EHMT1: variants seen among roughly 807,000 people sequenced by gnomAD.
EHMT1 encodes euchromatic histone lysine methyltransferase 1.
A neutral mutation model predicts 147.2 loss-of-function variants in EHMT1; 15 were observed. The observed-to-expected ratio is 0.10, with a 90% confidence interval of 0.07 to 0.16. The LOEUF (loss-of-function observed/expected upper bound fraction) is 0.16, where lower values mean the gene tolerates loss of function less well. Among genes scored for constraint, EHMT1 ranks in the 10% least tolerant of loss-of-function variants. The pLI is 1.00. For synonymous variants in EHMT1, 795 were observed against 709.6 expected (o/e 1.12, Z -1.91); for missense variants, 1,587 against 1,772.4 (o/e 0.90, Z 1.88).
chr9:137,627,620 C>G (rs1185193739), intron 1 of EHMT1, among the ~76,000 whole-genome samples: 1 of 152,134 alleles, frequency 6.6e-6, no homozygotes, highest in African/African-American at 2.4e-5. Flanking sequence ...CCGCCGCGCC[C>G]GGCCCTTTTG....
intron 1 of EHMT1, among the ~76,000 whole-genome samples, chr9:137,705,735 G>A (rs1564612327): frequency 6.6e-6 from 1 of 152,230 alleles, no homozygotes; most frequent in African/African-American, 2.4e-5. Flanking sequence ...TCCTCCCAGG[G>A]TAGGTTTGGA....
At chr9:137,803,941 C>T (rs1953715092) in intron 18 of EHMT1, among the ~76,000 whole-genome samples, 1 of 152,020 alleles carries the variant, frequency 6.6e-6, no homozygotes, top group African/African-American at 2.4e-5. Flanking sequence ...CAGGGTTCTA[C>T]CTAAGACTGT....
At chr9:137,799,015 C>G (rs1037625955) in intron 17 of EHMT1, 101 bp downstream of exon 17, 4 of 971,392 alleles carry the variant, frequency 4.1e-6, no homozygotes, top group African/African-American at 1.7e-5. Context: ...CATGGCGTCC[C>G]CTCCCACGCA....
chr9:137,668,423 T>C (rs1297394431), intron 1 of EHMT1, among the ~76,000 whole-genome samples: 1 of 151,726 alleles, frequency 6.6e-6, no homozygotes, highest in Non-Finnish European at 1.5e-5. Context: ...ACCCATCCAT[T>C]TATTTACCCA....
rs370675862 is a variant in EHMT1 at position 137,829,890 on chromosome 9, C to T, written c.3541-4459C>T. Among the ~76,000 whole-genome samples, 9 of 152,350 alleles carry T rather than the reference C, an allele frequency of 5.9e-5. 1 individual carries two copies. The highest frequency in any genetic ancestry group is 3.9e-4 in the East Asian group (2 of 5,192). On this transcript the variant is annotated intron_variant, in intron 25 of 26. Transcript: ENST00000460843. Reference sequence around the variant, plus strand: ...GACTGGCCACCCCGAGCATCCATGCCTTCCCTGTTTATTAACAGACATTCT... The same window carrying T: ...GACTGGCCACCCCGAGCATCCATGCTTTCCCTGTTTATTAACAGACATTCT...
At chr9:137,675,591 G>T (rs1428882555) in intron 1 of EHMT1, among the ~76,000 whole-genome samples, 1 of 149,654 alleles carries the variant, frequency 6.7e-6, no homozygotes, top group Non-Finnish European at 1.5e-5. Context: ...AGCCTCCCGA[G>T]TAGCTGGGAC....
intron 1 of EHMT1, among the ~76,000 whole-genome samples, chr9:137,693,281 A>G (rs114665458): frequency 0.014 from 2,093 of 152,214 alleles, 41 homozygotes; most frequent in African/African-American, 0.048. Flanking sequence ...GCAGATACTA[A>G]ACACTTTAAT....
At chr9:137,623,853 T>C (rs1445999369) in intron 1 of EHMT1, among the ~76,000 whole-genome samples, 1 of 152,122 alleles carries the variant, frequency 6.6e-6, no homozygotes, top group African/African-American at 2.4e-5. Context: ...TCTTTTTTCT[T>C]TTTGAGACAG....
At chr9:137,781,745 G>A (rs531488443) in intron 14 of EHMT1, among the ~76,000 whole-genome samples, 1 of 152,174 alleles carries the variant, frequency 6.6e-6, no homozygotes, top group African/African-American at 2.4e-5. Flanking sequence ...TGGACAGTAC[G>A]TCAAGTAAAA....
At chr9:137,817,166 TCCCCATGTTACAGATGGGGAC>T in intron 23 of EHMT1, 1 of 532,566 alleles carries the variant, frequency 1.9e-6, no homozygotes, top group South Asian at 2.0e-5. Flanking sequence ...CCCAGCTCTG[TCCCCATGTTACAGATGGGGAC>T]ACCGAGCCAC....
At chr9:137,715,615 C>T in intron 2 of EHMT1, 1 of 985,424 alleles carries the variant, frequency 1.0e-6, no homozygotes, top group Non-Finnish European at 1.2e-6. Flanking sequence ...AGGCTTCCTG[C>T]CTCAGCCTGT....
intron 1 of EHMT1, among the ~76,000 whole-genome samples, chr9:137,701,344 T>C (rs2501560): frequency 0.38 from 56,775 of 151,352 alleles, 12,430 homozygotes; most frequent in African/African-American, 0.6. Flanking sequence ...AGTGCAATGA[T>C]GCGATCTCAG....
At chr9:137,791,194 G>A (rs776398156) in intron 16 of EHMT1, among the ~76,000 whole-genome samples, 23 of 152,162 alleles carry the variant, frequency 1.5e-4, no homozygotes, top group South Asian at 2.1e-4. Context: ...ACAGGTGAGC[G>A]AATGACGGGT....
intron 6 of EHMT1, chr9:137,746,663 T>C (rs935282744): frequency 1.3e-5 from 2 of 152,230 alleles, no homozygotes; most frequent in African/African-American, 4.8e-5. Context: ...ATATTAATTA[T>C]ATCTCAATAA....
chr9:137,747,450 G>A (rs1031446863), intron 6 of EHMT1: 19 of 152,230 alleles, frequency 1.2e-4, no homozygotes, highest in African/African-American at 3.9e-4. Flanking sequence ...GAGCCACTGC[G>A]CCCGGCCTCC....
chr9:137,743,969 A>G lies in EHMT1; in HGVS notation c.1049A>G (p.Glu350Gly). The change falls in exon 6 of 27, where the codon GAG (glutamate) becomes GGG (glycine). Residue 350 changes from glutamate to glycine, a missense_variant. By Grantham distance (98) the Glu-to-Gly change is moderately conservative. This residue lies in a region of EHMT1 where 810 missense variants were observed against 673.0 expected (regional missense o/e 1.20). Transcript: ENST00000460843. Reference sequence around the variant, plus strand: ...GAGAGCCTGGAGATGGACTCGGATGAGGACGACTCAGAGGAGCTCGAGGAG... The same window carrying G: ...GAGAGCCTGGAGATGGACTCGGATGGGGACGACTCAGAGGAGCTCGAGGAG... ...NGESLEMDSD[E>G]DDSEELEEDD... 1 of 1,613,956 alleles carries G rather than the reference A, an allele frequency of 6.2e-7. No individual in the cohort carries two copies. The highest frequency in any genetic ancestry group is 8.5e-7 in the Non-Finnish European group (1 of 1,179,950).
intron 10 of EHMT1, among the ~76,000 whole-genome samples, chr9:137,772,075 G>A (rs1950622622): frequency 1.3e-5 from 2 of 152,122 alleles, no homozygotes; most frequent in African/African-American, 4.8e-5. Flanking sequence ...AAATTGCGCT[G>A]AGAAAGTGCT....
intron 3 of EHMT1, among the ~76,000 whole-genome samples, chr9:137,727,328 C>T (rs779444257): frequency 4.6e-5 from 7 of 152,034 alleles, no homozygotes; most frequent in Non-Finnish European, 1.0e-4. Flanking sequence ...TTTTTTTCTT[C>T]TGTTGCCTGT....
Position 137,833,471 on chromosome 9 carries a change from G to A in EHMT1, c.3541-878G>A, listed in dbSNP as rs564693937. 5.3e-5 allele frequency among the ~76,000 whole-genome samples: 8 copies of A among 152,364 alleles called. No individual in the cohort carries two copies. The South Asian group carries it at 1.7e-3, about 32-fold the overall frequency. ...CTGTGGTTGCGTGGGCAGCGTCTAG[G>A]TTCCTTGCTAGCTGCCGGCCGGGAC... On this transcript the variant is annotated intron_variant, in intron 25 of 26. Coordinates refer to ENST00000460843, the MANE Select transcript of EHMT1 (RefSeq NM_024757.5).
Sources: gnomAD v4.1 joint callset for allele counts (sites outside exome capture counted in the v4.1 genomes callset) on GRCh38, gnomAD v4.1.1 for gene constraint, gnomAD v4.1.1 regional missense constraint, MANE v1.5 for transcripts, NCBI Gene and HGNC (gene_info 2026-07-23, HGNC 2026-07-21) for gene names.